SUN3: variants seen among roughly 807,000 people sequenced by gnomAD.
SUN3 encodes SUN domain-containing protein 3.
In SUN3, 36 loss-of-function variants were observed where a neutral mutation model predicts 48.2. That is an observed-to-expected ratio of 0.75 (90% CI 0.57 to 0.99). The LOEUF (loss-of-function observed/expected upper bound fraction) is 0.99. SUN3 is among the 50% of genes least tolerant of loss of function. SUN3 has a pLI of 0.00. For missense variants in SUN3, 419 were observed against 433.1 expected, an observed-to-expected ratio of 0.97 and a Z score of 0.29; for synonymous variants, 148 against 147.9, an observed-to-expected ratio of 1.00 and a Z score of 0.00.
intron 3 of SUN3, among the ~76,000 whole-genome samples, chr7:48,010,771 T>C (rs1303002046): frequency 6.6e-6 from 1 of 152,170 alleles, no homozygotes; most frequent in Non-Finnish European, 1.5e-5. Context: ...CCTGGGGCTC[T>C]TGACACACAT....
At chr7:48,021,057 A>G (rs1192604423) in intron 2 of SUN3, among the ~76,000 whole-genome samples, 1 of 152,182 alleles carries the variant, frequency 6.6e-6, no homozygotes. Context: ...CCAAAACAGC[A>G]GGGTACTGGC....
intron 2 of SUN3, among the ~76,000 whole-genome samples, chr7:48,021,754 C>A (rs572976477): frequency 6.6e-6 from 1 of 152,094 alleles, no homozygotes; most frequent in Non-Finnish European, 1.5e-5. Context: ...GGCTTATACC[C>A]AAAAGATAGG....
intron 6 of SUN3, among the ~76,000 whole-genome samples, chr7:47,998,598 G>A (rs75048944): frequency 0.024 from 3,710 of 151,916 alleles, 148 homozygotes; most frequent in African/African-American, 0.085. Flanking sequence ...TACAATCATA[G>A]TTTTTGATGT....
chr7:48,031,496 T>C (rs1203926533), upstream of SUN3, among the ~76,000 whole-genome samples: 3 of 152,184 alleles, frequency 2.0e-5, no homozygotes, highest in Non-Finnish European at 4.4e-5. Context: ...CCAGACCCCA[T>C]ATTTTAAAGA....
At chr7:47,987,856 A>AT (rs1788944681) in intron 9 of SUN3, among the ~76,000 whole-genome samples, 1 of 152,184 alleles carries the variant, frequency 6.6e-6, no homozygotes, top group African/African-American at 2.4e-5. Context: ...CTTTTCTAAC[A>AT]TAACTATTTT....
intron 3 of SUN3, among the ~76,000 whole-genome samples, chr7:48,010,349 G>A (rs1789649964): frequency 6.6e-6 from 1 of 152,112 alleles, no homozygotes. Context: ...GTGTGAAAGG[G>A]TGATCTCTTC....
In SUN3 at chr7:48,007,211, T is replaced by C. The variant is rs752378125; in HGVS notation, c.446A>G (p.Asn149Ser). Residue 149 changes from asparagine (N) to serine (S), a missense_variant, in exon 5 of 10, where the codon AAC becomes AGC. Coordinates refer to ENST00000297325, the MANE Select transcript of SUN3 (RefSeq NM_001030019.2). ...DMKDGMDNNH[N>S]WNTHGDPVED... is the part of the protein sequence containing the mutation. ...CACAGGGTCTCCATGGGTGTTCCAGTTGTGATTATTGTCCATACCATCCTT... is the reference window on the plus strand; with the variant it reads ...CACAGGGTCTCCATGGGTGTTCCAGCTGTGATTATTGTCCATACCATCCTT... The C allele has an allele frequency of 2.5e-6, 4 of 1,611,366 alleles. No individual in the cohort carries two copies. Among genetic ancestry groups the C allele is most frequent in the Admixed American group, 3.3e-5 (2 of 59,920 alleles).
intron 2 of SUN3, among the ~76,000 whole-genome samples, chr7:48,024,140 G>C (rs549412314): frequency 3.9e-5 from 6 of 152,232 alleles, no homozygotes; most frequent in African/African-American, 1.4e-4. Flanking sequence ...CTTTTAAAAA[G>C]GTTTGGCAAT....
At chr7:48,018,725 C>T (rs1453180844) in intron 2 of SUN3, 1 of 152,362 alleles carries the variant, frequency 6.6e-6, no homozygotes, top group Non-Finnish European at 1.5e-5. Context: ...AATCTGAATT[C>T]TAGAGTTATT....
At chr7:47,989,699 G>T (rs1358234136) in intron 8 of SUN3, among the ~76,000 whole-genome samples, 3 of 152,172 alleles carry the variant, frequency 2.0e-5, no homozygotes, top group Non-Finnish European at 2.9e-5. Flanking sequence ...AGAGAGATCA[G>T]ACTGTTACTG....
intron 2 of SUN3, 144 bp from the exon 3 acceptor site, chr7:48,017,509 G>T: frequency 1.6e-6 from 1 of 624,484 alleles, no homozygotes; most frequent in Non-Finnish European, 2.8e-6. Flanking sequence ...CATGGAAAAT[G>T]GTGGAATAGT....
chr7:48,002,152 T>TAATGATCAGTGACGTCGAGA (rs1491207872), intron 6 of SUN3, among the ~76,000 whole-genome samples: 187 of 5,356 alleles, frequency 0.035, no homozygotes, highest in African/African-American at 0.053. Context: ...TGCATTTCTC[T>TAATGATCAGTGACGTCGAGA]TTTTTTTTTT....
upstream of SUN3, among the ~76,000 whole-genome samples, chr7:48,032,883 A>T (rs1373983563): frequency 2.6e-5 from 4 of 152,236 alleles, no homozygotes; most frequent in Non-Finnish European, 5.9e-5. Context: ...AACTAGCTTC[A>T]GCCAACAACA....
At chr7:48,009,451 CT>C (rs1250608044) in intron 3 of SUN3, among the ~76,000 whole-genome samples, 2 of 152,092 alleles carry the variant, frequency 1.3e-5, no homozygotes, top group East Asian at 3.9e-4. Flanking sequence ...AGAGGCGCCC[CT>C]GGTGGATGTG....
chr7:47,993,200 G>A (rs1231982594), intron 8 of SUN3, among the ~76,000 whole-genome samples: 3 of 152,136 alleles, frequency 2.0e-5, no homozygotes, highest in African/African-American at 7.2e-5. Context: ...TAGTCACTGT[G>A]AAAACATTGA....
At chr7:48,008,716 C>T (rs1451909004) in intron 4 of SUN3, among the ~76,000 whole-genome samples, 4 of 152,068 alleles carry the variant, frequency 2.6e-5, no homozygotes, top group Non-Finnish European at 5.9e-5. Flanking sequence ...TTGTTGTTTC[C>T]TTCTTTTGAT....
At chr7:48,019,815 C>T (rs1789915339) in intron 2 of SUN3, among the ~76,000 whole-genome samples, 1 of 151,456 alleles carries the variant, frequency 6.6e-6, no homozygotes, top group African/African-American at 2.4e-5. Context: ...AAGAACAGCC[C>T]GGGACCCCAT....
At chr7:48,029,227 C>A (rs77584366), upstream of SUN3, 4,984 of 367,842 alleles carry the variant, frequency 0.014, 233 homozygotes, top group African/African-American at 0.097. Context: ...CCATATGTCA[C>A]ACCCACTGAA....
chr7:48,016,225 A>G (rs751401067), intron 3 of SUN3, among the ~76,000 whole-genome samples: 7 of 152,012 alleles, frequency 4.6e-5, no homozygotes, highest in Non-Finnish European at 7.4e-5. Flanking sequence ...TCCATCTCCA[A>G]CCTGACCAAT....
Sources: allele counts gnomAD v4.1 joint callset (sites outside exome capture counted in the v4.1 genomes callset), GRCh38; gene constraint gnomAD v4.1.1; transcripts MANE v1.5; gene names NCBI Gene and HGNC (gene_info 2026-07-23, HGNC 2026-07-21).